The following CA1 variants were observed in gnomAD, a reference collection of about 807,000 sequenced individuals.
CA1 encodes the protein carbonic anhydrase 1, also known as carbonate dehydratase I.
A neutral mutation model predicts 28.8 loss-of-function variants in CA1; 27 were observed. The observed-to-expected ratio is 0.94, with a 90% confidence interval of 0.69 to 1.29. CA1 has a LOEUF of 1.29. Ranked by LOEUF, CA1 falls within the 50% of genes most tolerant of loss-of-function variation. CA1 has a pLI of 0.00. For synonymous variants in CA1, 121 were observed against 108.8 expected, an observed-to-expected ratio of 1.11 and a Z score of -0.70; for missense variants, 335 against 310.5, an observed-to-expected ratio of 1.08 and a Z score of -0.59.
chr8:85,355,825 G>C (rs1809585322), intron 1 of CA1, among the ~76,000 whole-genome samples: 1 of 149,586 alleles, frequency 6.7e-6, no homozygotes, highest in Admixed American at 6.7e-5. Flanking sequence ...AAGCCATTTT[G>C]ATCAGTGATA....
chr8:85,369,592 G>C (rs1585969136), intron 1 of CA1, among the ~76,000 whole-genome samples: 1 of 152,300 alleles, frequency 6.6e-6, no homozygotes, highest in East Asian at 1.9e-4. Context: ...ACAAGAAGGA[G>C]ATGTTTAGCC....
At chr8:85,363,018 G>A (rs1454970007) in intron 1 of CA1, among the ~76,000 whole-genome samples, 1 of 152,204 alleles carries the variant, frequency 6.6e-6, no homozygotes, top group Non-Finnish European at 1.5e-5. Flanking sequence ...GGTAATGTGA[G>A]TTTTATTTTA....
At chr8:85,335,684 T>A (rs1389023433) in intron 4 of CA1, among the ~76,000 whole-genome samples, 1 of 152,206 alleles carries the variant, frequency 6.6e-6, no homozygotes, top group African/African-American at 2.4e-5. Flanking sequence ...TCAATTTAGA[T>A]GAGAGAGTCA....
chr8:85,362,333 G>C (rs762965222), intron 1 of CA1, among the ~76,000 whole-genome samples: 4 of 152,116 alleles, frequency 2.6e-5, no homozygotes, highest in Non-Finnish European at 5.9e-5. Context: ...CCCTTGTGTT[G>C]TGTAAGACAT....
chr8:85,334,720 C>T (rs1416174495), intron 4 of CA1, among the ~76,000 whole-genome samples: 5 of 150,692 alleles, frequency 3.3e-5, no homozygotes, highest in South Asian at 2.1e-4. Context: ...TTTTTAAAAA[C>T]AGTATCTCAC....
intron 1 of CA1, among the ~76,000 whole-genome samples, chr8:85,345,146 C>T (rs1809127351): frequency 6.6e-6 from 1 of 152,164 alleles, no homozygotes; most frequent in Admixed American, 6.6e-5. Context: ...CTCAGTTGGG[C>T]TTTCTCATCA....
chr8:85,366,783 A>G (rs866828003), intron 1 of CA1, among the ~76,000 whole-genome samples: 3 of 152,230 alleles, frequency 2.0e-5, no homozygotes, highest in East Asian at 1.9e-4. Context: ...TAAAAAGTGA[A>G]TTGAAGAGCA....
intron 1 of CA1, among the ~76,000 whole-genome samples, chr8:85,357,522 G>A (rs1809647615): frequency 6.6e-6 from 1 of 152,138 alleles, no homozygotes; most frequent in South Asian, 2.1e-4. Flanking sequence ...ATTGATAGCT[G>A]CTATCATTGT....
At position 85,332,478 on chromosome 8, in the gene CA1, T is replaced by C; in HGVS notation, c.513+12A>G. On this transcript the variant is annotated intron_variant, in intron 6 of 7. Transcript: ENST00000523022. ...TGTTCTCTGATTTAAACTACTTATT[T>C]AGTGTGTTTACCTTGGTTTTAATTG... 6.2e-7 allele frequency: 1 copy of C among 1,600,724 alleles called. No individual in the cohort carries two copies. Among genetic ancestry groups the C allele is most frequent in the Non-Finnish European group, 8.6e-7 (1 of 1,168,202 alleles).
intron 1 of CA1, among the ~76,000 whole-genome samples, chr8:85,359,684 CTTTG>C (rs1167007077): frequency 1.3e-5 from 2 of 152,274 alleles, no homozygotes; most frequent in African/African-American, 2.4e-5. Flanking sequence ...TTCTGTTTAT[CTTTG>C]TTTGTGCAAG....
chr8:85,338,880 A>T (rs759072660), intron 2 of CA1, among the ~76,000 whole-genome samples: 14 of 150,738 alleles, frequency 9.3e-5, no homozygotes, highest in Non-Finnish European at 1.9e-4. Flanking sequence ...TGCCTGGCCA[A>T]TTTTTTTGTA....
intron 6 of CA1, 28 bp downstream of exon 6, chr8:85,332,462 A>G (rs1415828302): frequency 6.5e-7 from 1 of 1,540,700 alleles, no homozygotes; most frequent in East Asian, 2.3e-5. Flanking sequence ...TTGTTCTCTG[A>G]TTTAAACTAC....
chr8:85,344,158 TG>T, intron 1 of CA1, among the ~76,000 whole-genome samples: 1 of 132,484 alleles, frequency 7.5e-6, no homozygotes, highest in African/African-American at 2.8e-5. Context: ...TATTATATAC[TG>T]TATATTATAT....
intron 1 of CA1, 56 bp from the exon 2 acceptor site, chr8:85,341,715 G>C: frequency 1.1e-6 from 1 of 942,906 alleles, no homozygotes; most frequent in Non-Finnish European, 1.7e-6. Context: ...TGCAGGAGAT[G>C]CCTTAAATCC....
At chr8:85,359,563 T>C (rs1027584599) in intron 1 of CA1, among the ~76,000 whole-genome samples, 1 of 152,138 alleles carries the variant, frequency 6.6e-6, no homozygotes, top group African/African-American at 2.4e-5. Context: ...TGGAGAGGGT[T>C]TGGAAGAAGA....
intron 6 of CA1, among the ~76,000 whole-genome samples, chr8:85,331,613 C>T (rs879783201): frequency 6.6e-6 from 1 of 151,952 alleles, no homozygotes; most frequent in Admixed American, 6.6e-5. Flanking sequence ...TGCGCCACCA[C>T]GCCCAGCTAA....
intron 1 of CA1, among the ~76,000 whole-genome samples, chr8:85,344,848 T>C (rs1809114997): frequency 6.6e-6 from 1 of 152,180 alleles, no homozygotes. Context: ...ATAAGTGGCT[T>C]TCCTGGGATT....
chr8:85,350,351 G>T (rs1416147746), intron 1 of CA1, among the ~76,000 whole-genome samples: 1 of 152,204 alleles, frequency 6.6e-6, no homozygotes, highest in African/African-American at 2.4e-5. Flanking sequence ...TTAGGCAACA[G>T]TTTTCAAGTG....
intron 1 of CA1, among the ~76,000 whole-genome samples, chr8:85,353,362 A>G (rs1272013332): frequency 6.6e-6 from 1 of 152,246 alleles, no homozygotes; most frequent in Non-Finnish European, 1.5e-5. Context: ...ATAAAAGGGT[A>G]CAAAGTAAAA....
Sources: allele counts gnomAD v4.1 joint callset (sites outside exome capture counted in the v4.1 genomes callset), GRCh38; gene constraint gnomAD v4.1.1; transcripts MANE v1.5; gene names NCBI Gene and HGNC (gene_info 2026-07-23, HGNC 2026-07-21).